Variants in EIF4G3 observed in about 807,000 individuals in gnomAD.
EIF4G3 encodes eIF-4-gamma 3.
Under a neutral mutation model 186.4 loss-of-function variants are expected in EIF4G3, and 34 were observed. That is an observed-to-expected ratio of 0.18 (90% confidence interval 0.14 to 0.24). The LOEUF (loss-of-function observed/expected upper bound fraction) is 0.24. Among genes scored for constraint, EIF4G3 ranks in the 10% least tolerant of loss-of-function variants. The pLI, the probability that EIF4G3 is intolerant of heterozygous loss-of-function variation, is 1.00. For synonymous variants in EIF4G3, 673 were observed against 679.5 expected, an observed-to-expected ratio of 0.99 and a Z score of 0.15; for missense variants, 1,536 against 1,948.5, an observed-to-expected ratio of 0.79 and a Z score of 3.99.
In EIF4G3 at chr1:20,970,124, C is replaced by T. The variant is rs532933502; in HGVS notation, c.592-528G>A. 3.9e-5 allele frequency among the ~76,000 whole-genome samples: 6 copies of T among 151,960 alleles called. No individual in the cohort carries two copies. In the South Asian group the frequency reaches 6.2e-4, roughly 16 times the overall value. On this transcript the variant is annotated intron_variant, in intron 11 of 36. Transcript: ENST00000602326. ...TACAGGTGTGAACCACGGTACCTGG[C>T]GTAGAATAAAGTTTTAAACGCTGTA...
intron 15 of EIF4G3, 62 bp from the exon 16 acceptor site, chr1:20,900,005 C>T (rs1006199223): frequency 8.1e-6 from 12 of 1,487,790 alleles, no homozygotes; most frequent in Non-Finnish European, 1.1e-5. Flanking sequence ...TACATAAAAA[C>T]CTACATCTAC....
intron 35 of EIF4G3, 43 bp downstream of exon 35, chr1:20,813,115 G>T: frequency 7.5e-7 from 1 of 1,327,564 alleles, no homozygotes; most frequent in South Asian, 1.2e-5. Context: ...TGACATAATG[G>T]GGATTTCAGA....
chr1:21,078,414 G>A (rs950658715), intron 3 of EIF4G3, among the ~76,000 whole-genome samples: 6 of 152,138 alleles, frequency 3.9e-5, no homozygotes, highest in Admixed American at 3.9e-4. Flanking sequence ...TCTCATGTAG[G>A]TACAGAGTAG....
At chr1:20,932,459 G>A (rs1320227440) in intron 14 of EIF4G3, among the ~76,000 whole-genome samples, 5 of 152,202 alleles carry the variant, frequency 3.3e-5, no homozygotes, top group Admixed American at 6.5e-5. Context: ...CTCAGCTTTC[G>A]ATACATATTC....
chr1:20,856,842 CT>C (rs2075054508), intron 25 of EIF4G3, among the ~76,000 whole-genome samples: 1 of 152,160 alleles, frequency 6.6e-6, no homozygotes, highest in African/African-American at 2.4e-5. Context: ...GTAACCTAGT[CT>C]TTTCCTCTTT....
At position 20,853,638 on chromosome 1, in the gene EIF4G3, G is replaced by A; in HGVS notation, c.3473C>T (p.Ser1158Phe). 1 of 1,613,952 alleles carries A rather than the reference G, an allele frequency of 6.2e-7. No homozygotes were observed. The highest frequency in any genetic ancestry group is 8.5e-7 in the Non-Finnish European group (1 of 1,179,908). The stretch of plus-strand genomic sequence containing the variant: ...TGAGGGTGCTGGAGGTTGCAGGGCA[G>A]AGAATCTGTTTAAACTGGAAGCACT... The part of the protein sequence containing the change: ...RSSASSLNRF[S>F]ALQPPAPSGS... Residue 1158 changes from serine to phenylalanine, a missense_variant, in exon 27 of 37, where the codon TCT becomes TTT. Physicochemically the swap from Ser to Phe is radical, Grantham distance 155. Transcript: ENST00000602326.
intron 29 of EIF4G3, among the ~76,000 whole-genome samples, chr1:20,846,948 T>G (rs1012292096): frequency 2.0e-5 from 3 of 152,196 alleles, no homozygotes; most frequent in African/African-American, 7.2e-5. Context: ...GAATCACTGT[T>G]AAAAACAATA....
intron 4 of EIF4G3, among the ~76,000 whole-genome samples, chr1:21,015,934 GAAGA>G (rs901791065): frequency 2.6e-5 from 4 of 152,016 alleles, no homozygotes; most frequent in Non-Finnish European, 5.9e-5. Context: ...TTCAAATTGA[GAAGA>G]AAGGGAACTA....
chr1:20,878,025 C>T (rs2081343606), intron 20 of EIF4G3, among the ~76,000 whole-genome samples: 1 of 151,976 alleles, frequency 6.6e-6, no homozygotes, highest in Non-Finnish European at 1.5e-5. Context: ...TGTTACCACA[C>T]CCAGCTAATT....
chr1:21,133,893 T>A (rs1244902329), intron 2 of EIF4G3, among the ~76,000 whole-genome samples: 2 of 152,206 alleles, frequency 1.3e-5, no homozygotes, highest in African/African-American at 4.8e-5. Context: ...TAAATAAGTA[T>A]CATCAGAATT....
intron 3 of EIF4G3, among the ~76,000 whole-genome samples, chr1:21,071,551 C>T (rs1260568887): frequency 1.3e-5 from 2 of 152,076 alleles, no homozygotes; most frequent in Non-Finnish European, 2.9e-5. Flanking sequence ...AGCACTTACA[C>T]GGCCGGGCAC....
chr1:21,101,229 T>A (rs2096511356), intron 2 of EIF4G3, among the ~76,000 whole-genome samples: 1 of 151,974 alleles, frequency 6.6e-6, no homozygotes, highest in Non-Finnish European at 1.5e-5. Flanking sequence ...TGAGCCACCG[T>A]GCTTGGTCAA....
intron 27 of EIF4G3, among the ~76,000 whole-genome samples, chr1:20,851,776 G>A (rs897883380): frequency 2.0e-5 from 3 of 152,110 alleles, no homozygotes; most frequent in African/African-American, 4.8e-5. Context: ...CCAGCGCTTT[G>A]GGAGGCCGAG....
Position 20,865,277 on chromosome 1 carries a change from GA to G in EIF4G3, c.2623-16del. 1.2e-6 allele frequency: 2 copies of G among 1,600,828 alleles called. No individual in the cohort carries two copies. Among genetic ancestry groups the G allele is most frequent in the South Asian group, 2.3e-5 (2 of 88,202 alleles). ...GGTACTTTCAGCTACATCCAGACAG[GA>G]AAATAAAAAAAATCAACAAGATTAC... On this transcript the variant is annotated splice_polypyrimidine_tract_variant and intron_variant, in intron 20 of 36. Coordinates refer to ENST00000602326, the MANE Select transcript of EIF4G3 (RefSeq NM_001391906.1).
chr1:21,148,021 T>G (rs923411972), intron 2 of EIF4G3, among the ~76,000 whole-genome samples: 8 of 152,228 alleles, frequency 5.3e-5, no homozygotes, highest in African/African-American at 1.9e-4. Context: ...ATTAAGGAAA[T>G]ATCTGAAATA....
chr1:20,827,278 T>C (rs1001236979), intron 32 of EIF4G3, among the ~76,000 whole-genome samples: 14 of 152,226 alleles, frequency 9.2e-5, no homozygotes, highest in Non-Finnish European at 2.1e-4. Flanking sequence ...TGCCATAGAC[T>C]GACAGCCTCC....
intron 12 of EIF4G3, among the ~76,000 whole-genome samples, chr1:20,963,206 A>G (rs1211053308): frequency 1.3e-5 from 2 of 152,150 alleles, no homozygotes; most frequent in East Asian, 3.8e-4. Flanking sequence ...ACCAGTATCT[A>G]CATATATTTT....
At chr1:21,041,106 CATTTTA>C (rs955509513) in intron 4 of EIF4G3, among the ~76,000 whole-genome samples, 51 of 152,074 alleles carry the variant, frequency 3.4e-4, no homozygotes, top group African/African-American at 5.8e-4. Context: ...AATTCGACTA[CATTTTA>C]ATTTTAACAG....
intron 33 of EIF4G3, among the ~76,000 whole-genome samples, chr1:20,821,327 G>A (rs944760017): frequency 6.6e-6 from 1 of 152,230 alleles, no homozygotes; most frequent in Non-Finnish European, 1.5e-5. Context: ...TGTGATGCCA[G>A]TTTCCTGGTG....
Sources: gnomAD v4.1 joint callset for allele counts (sites outside exome capture counted in the v4.1 genomes callset) on GRCh38, gnomAD v4.1.1 for gene constraint, MANE v1.5 for transcripts, NCBI Gene and HGNC (gene_info 2026-07-23, HGNC 2026-07-21) for gene names.